The following THBS1 variants were observed in gnomAD, a reference collection of about 807,000 sequenced individuals.
THBS1 encodes thrombospondin 1, also known as thrombospondin-1.
Under a neutral mutation model 126.1 loss-of-function variants are expected in THBS1, and 29 were observed. That is an observed-to-expected ratio of 0.23 (90% confidence interval 0.17 to 0.31). The LOEUF is 0.31. THBS1 is among the 10% of genes least tolerant of loss of function. THBS1 has a pLI of 1.00. For synonymous variants in THBS1, 496 were observed against 577.8 expected, an observed-to-expected ratio of 0.86 and a Z score of 2.03; for missense variants, 1,198 against 1,545.2, an observed-to-expected ratio of 0.78 and a Z score of 3.77.
In THBS1 at chr15:39,589,002, T is replaced by G. The variant is rs776965595; in HGVS notation, c.1689T>G (p.Thr563=). Residue 563 remains threonine (T), a synonymous_variant, in exon 11 of 22, where the codon ACT becomes ACG. Coordinates refer to ENST00000260356, the MANE Select transcript of THBS1 (RefSeq NM_003246.4). The surrounding 1 kb of genome is among the most constrained non-coding windows in gnomAD (Gnocchi z 4.7). The part of the protein sequence containing the change: ...SNPCFAGVKC[T]SYPDGSWKCG... ...CCTGCTTTGCCGGCGTGAAGTGTAC[T>G]AGCTACCCTGATGGCAGCTGGAAAT... 3 of 1,614,174 alleles carry G rather than the reference T, an allele frequency of 1.9e-6. No individual in the cohort carries two copies. The highest frequency in any genetic ancestry group is 2.5e-6 in the Non-Finnish European group (3 of 1,180,028).
In THBS1 at chr15:39,593,901, C is replaced by T. The variant is rs562165862; in HGVS notation, c.3268-198C>T. 1.4e-3 allele frequency: 1,224 copies of T among 872,514 alleles called. 3 individuals carry two copies. Among genetic ancestry groups the T allele is most frequent in the Non-Finnish European group, 1.8e-3 (1,048 of 585,026 alleles). 54.0% of individuals were successfully genotyped at this position (872,514 alleles called of 1,614,324 possible). A position where few individuals can be genotyped will look rare whatever the true frequency, so the allele number is the denominator to read the frequency against. ...TCAGCCTTTTCAAACAAAAAAACCT[C>T]CTTCCCTCCTCTCTGTCTGCTTTAT... On this transcript the variant is annotated intron_variant, in intron 19 of 21. Coordinates refer to ENST00000260356, the MANE Select transcript of THBS1 (RefSeq NM_003246.4). This position sits in a 1 kb window ranked among gnomAD's most constrained non-coding sequence, Gnocchi z 5.9.
Position 39,582,433 on chromosome 15 carries a change from C to G in THBS1, c.308C>G (p.Thr103Arg). 3.7e-6 allele frequency: 6 copies of G among 1,614,056 alleles called. No homozygotes were observed. Among genetic ancestry groups the G allele is most frequent in the Non-Finnish European group, 5.1e-6 (6 of 1,179,992 alleles). Residue 103 changes from threonine (T) to arginine (R), a missense_variant, in exon 3 of 22, where the codon ACG becomes AGG. Around this residue, in one of 4 missense-constraint regions of THBS1, gnomAD observed 271 missense variants for 277.0 expected, o/e 0.98. Coordinates refer to ENST00000260356, the MANE Select transcript of THBS1 (RefSeq NM_003246.4). ...SLRQMKKTRG[T>R]LLALERKDHS... ...AGGCAGATGAAGAAGACCCGGGGCACGCTGCTGGCCCTGGAGCGGAAAGAC... is the reference window on the plus strand; with the variant it reads ...AGGCAGATGAAGAAGACCCGGGGCAGGCTGCTGGCCCTGGAGCGGAAAGAC...
Position 39,592,137 on chromosome 15 carries a change from T to G in THBS1, c.2533-431T>G, listed in dbSNP as rs1463593809. 6.6e-6 allele frequency among the ~76,000 whole-genome samples: 1 copy of G among 152,206 alleles called. No individual in the cohort carries two copies. The highest frequency in any genetic ancestry group is 1.5e-5 in the Non-Finnish European group (1 of 68,034). Reference sequence around the variant, plus strand: ...TACAACACAGGGACCAGTGGTCTGTTTCCATCTTTTCAGGACTTTTCAGAG... The same window carrying G: ...TACAACACAGGGACCAGTGGTCTGTGTCCATCTTTTCAGGACTTTTCAGAG... On this transcript the variant is annotated intron_variant, in intron 16 of 21. Transcript: ENST00000260356. The surrounding 1 kb of genome is among the most constrained non-coding windows in gnomAD (Gnocchi z 4.3).
chr15:39,591,229 C>T lies in THBS1; in HGVS notation c.2292C>T (p.Asp764=), dbSNP rs746355490. 1.7e-5 allele frequency: 28 copies of T among 1,614,048 alleles called. No individual in the cohort carries two copies. The highest frequency in any genetic ancestry group is 2.4e-5 in the Non-Finnish European group (28 of 1,180,032). Residue 764 remains aspartate (D), a synonymous_variant, in exon 15 of 22, where the codon GAC becomes GAT. Coordinates refer to ENST00000260356, the MANE Select transcript of THBS1 (RefSeq NM_003246.4). The part of the protein sequence containing the change: ...CPFHYNPAQY[D]YDRDDVGDRC... Reference sequence around the variant, plus strand: ...TCCATTACAACCCAGCTCAGTATGACTATGACAGAGATGATGTGGGAGACC... The same window carrying T: ...TCCATTACAACCCAGCTCAGTATGATTATGACAGAGATGATGTGGGAGACC...
In THBS1 at chr15:39,597,621, T is replaced by G. The variant is rs1890501659; in HGVS notation, c.*2252T>G. On this transcript the variant is annotated 3_prime_UTR_variant, in exon 22 of 22. Transcript: ENST00000260356. Reference sequence around the variant, plus strand: ...TTGTATGTGATTGAGAAAGACTGAGTTGCTCAGGCCTAGGCTTAGAATTTG... The same window carrying G: ...TTGTATGTGATTGAGAAAGACTGAGGTGCTCAGGCCTAGGCTTAGAATTTG... 1 of 151,996 alleles carries G rather than the reference T, an allele frequency of 6.6e-6. No individual in the cohort carries two copies. The highest frequency in any genetic ancestry group is 2.1e-4 in the South Asian group (1 of 4,818). 9.4% of individuals were successfully genotyped at this position (151,996 alleles called of 1,614,324 possible).
chr15:39,583,893 C>T (rs2140343710), intron 4 of THBS1, 95 bp from the exon 5 acceptor site: 1 of 1,469,988 alleles, frequency 6.8e-7, no homozygotes, highest in East Asian at 2.4e-5. Flanking sequence ...CTACCTGCAT[C>T]CTTCACACCA....
At position 39,588,511 on chromosome 15, in the gene THBS1, T is replaced by C. The variant is rs1331366186; in HGVS notation, c.1472-15T>C. Reference sequence around the variant, plus strand: ...AGTTGATCTTAATTGTTGCCTGTGGTTCATCTTCTTACAGTCAATGGAGGC... The same window carrying C: ...AGTTGATCTTAATTGTTGCCTGTGGCTCATCTTCTTACAGTCAATGGAGGC... On this transcript the variant is annotated splice_polypyrimidine_tract_variant and intron_variant, in intron 9 of 21. Transcript: ENST00000260356. The C allele has an allele frequency of 2.6e-6, 4 of 1,534,934 alleles. No homozygotes were observed. Among genetic ancestry groups the C allele is most frequent in the African/African-American group, 2.8e-5 (2 of 71,970 alleles).
rs777701350 is a variant in THBS1, at chr15:39,592,802, G to A, written c.2767G>A (p.Gly923Ser). The change falls in exon 17 of 22, where the codon GGC (glycine) becomes AGC (serine). Residue 923 changes from glycine (G) to serine (S), a missense_variant and splice_region_variant. Gly to Ser is a moderately conservative substitution (Grantham distance 56). Transcript: ENST00000260356. This position sits in a 1 kb window ranked among gnomAD's most constrained non-coding sequence, Gnocchi z 4.3. ...CAATCCCGACCAGAAGGACTCTGAC[G>A]GTGAGTCATGGGAGCCACTTTCTAA... The part of the protein sequence containing the change: ...VPNPDQKDSD[G>S]DGRGDACKDD... 36 of 1,611,078 alleles carry A rather than the reference G, an allele frequency of 2.2e-5. No homozygotes were observed. In the Middle Eastern group the frequency reaches 8.3e-4, roughly 37 times the overall value.
chr15:39,583,781 C>T (rs1890156595), intron 4 of THBS1, 89 bp downstream of exon 4: 1 of 1,403,824 alleles, frequency 7.1e-7, no homozygotes, highest in African/African-American at 1.4e-5. Flanking sequence ...AGTGGTTATA[C>T]ATAAATTACC....
intron 7 of THBS1, chr15:39,586,467 G>C (rs1261820965): frequency 1.3e-5 from 2 of 152,232 alleles, no homozygotes; most frequent in African/African-American, 4.8e-5. Flanking sequence ...TAAGTTCTTT[G>C]TCTTCTGTCT....
chr15:39,585,372 G>T, intron 6 of THBS1, 98 bp from the exon 7 acceptor site: 1 of 1,066,786 alleles, frequency 9.4e-7, no homozygotes. Flanking sequence ...TGACAGCCCT[G>T]ACCATGTTTT....
chr15:39,595,294 C>CTGATAA (rs2140352290), intron 21 of THBS1, 68 bp from the exon 22 acceptor site: 2 of 1,099,726 alleles, frequency 1.8e-6, no homozygotes, highest in Non-Finnish European at 2.5e-6. Context: ...AACTTATTAA[C>CTGATAA]TAAGATGTCT....
At chr15:39,591,068 C>G in intron 14 of THBS1, 123 bp from the exon 15 acceptor site, 1 of 1,089,616 alleles carries the variant, frequency 9.2e-7, no homozygotes, top group East Asian at 2.4e-5. Flanking sequence ...GATCAATTAG[C>G]CTATCCACTA....
At position 39,589,178 on chromosome 15, in the gene THBS1, T is replaced by C. The variant is rs58677957; in HGVS notation, c.1774-24T>C. 18 of 1,613,942 alleles carry C rather than the reference T, an allele frequency of 1.1e-5. No individual in the cohort carries two copies. Among genetic ancestry groups the C allele is most frequent in the Non-Finnish European group, 1.5e-5 (18 of 1,179,892 alleles). ...TTATGGCAGTGACTTCTAAACATGA[T>C]GCACGCTCTTATTTCCTCCATAGTG... On this transcript the variant is annotated intron_variant, in intron 11 of 21. Coordinates refer to ENST00000260356, the MANE Select transcript of THBS1 (RefSeq NM_003246.4). The surrounding 1 kb of genome is among the most constrained non-coding windows in gnomAD (Gnocchi z 4.7).
Position 39,581,829 on chromosome 15 carries a change from G to A in THBS1, c.-29G>A, listed in dbSNP as rs770478597. 3.7e-6 allele frequency: 6 copies of A among 1,608,102 alleles called. No individual in the cohort carries two copies. Among genetic ancestry groups the A allele is most frequent in the Middle Eastern group, 3.3e-4 (2 of 6,074 alleles). The stretch of plus-strand genomic sequence containing the variant: ...TCGGCTCTTGTGCTTCCTGCTACAG[G>A]ATCCCTGCTGGGCACCAACAGCTCC... On this transcript the variant is annotated splice_region_variant and 5_prime_UTR_variant, in exon 2 of 22. Coordinates refer to ENST00000260356, the MANE Select transcript of THBS1 (RefSeq NM_003246.4).
Position 39,598,562 on chromosome 15 carries a change from T to C in THBS1, c.*3193T>C, listed in dbSNP as rs1258203169. On this transcript the variant is annotated 3_prime_UTR_variant, in exon 22 of 22. Transcript: ENST00000260356. ...ATAGTGAAGCAAAACTGATTGAAAA[T>C]ACCAAGATAAGACAGAAAAAGTGAC... is the stretch of plus-strand genomic sequence containing the variant. The C allele has an allele frequency of 6.6e-6, 1 of 152,180 alleles. No homozygotes were observed. The highest frequency in any genetic ancestry group is 2.4e-5 in the African/African-American group (1 of 41,450). The allele number at this position is 152,180 out of a possible 1,614,324, so 9.4% of individuals were successfully genotyped here.
Position 39,593,425 on chromosome 15 carries a change from C to G in THBS1, c.3024C>G (p.Phe1008Leu). The G allele has an allele frequency of 6.2e-7, 1 of 1,614,176 alleles. No homozygotes were observed. Among genetic ancestry groups the G allele is most frequent in the East Asian group, 2.2e-5 (1 of 44,884 alleles). Residue 1008 changes from phenylalanine to leucine, a missense_variant, in exon 19 of 22, where the codon TTC becomes TTG. Around this residue, in one of 4 missense-constraint regions of THBS1, gnomAD observed 255 missense variants for 373.9 expected, o/e 0.68. Coordinates refer to ENST00000260356, the MANE Select transcript of THBS1 (RefSeq NM_003246.4). The surrounding 1 kb of genome is among the most constrained non-coding windows in gnomAD (Gnocchi z 5.9). ...VGYDEFNAVD[F>L]SGTFFINTER... ...ATGATGAGTTTAATGCTGTGGACTT[C>G]AGTGGCACCTTCTTCATCAACACCG...
chr15:39,583,576 C>CCACA, intron 3 of THBS1, 41 bp from the exon 4 acceptor site: 2 of 1,523,808 alleles, frequency 1.3e-6, no homozygotes, highest in Non-Finnish European at 1.8e-6. Context: ...ATCCCCACCC[C>CCACA]GCTCTGCATT....
rs879801079 is a variant in THBS1 at position 39,597,275 on chromosome 15, G to GTTTTTTTTTTTTTTTT, written c.*1910_*1911insTTTTTTTTTTTTTTTT. 2.7e-3 allele frequency: 142 copies of GTTTTTTTTTTTTTTTT among 52,556 alleles called. No homozygotes were observed. Among genetic ancestry groups the GTTTTTTTTTTTTTTTT allele is most frequent in the Middle Eastern group, 0.014 (1 of 70 alleles). The allele number at this position is 52,556 out of a possible 1,614,324, so 3.3% of individuals were successfully genotyped here. ...GAATTGTTGGTTTTTTCTTTTTTTTGTTTTGTTTTTTTTTTTTTTTTTTTT... is the reference window on the plus strand; with the variant it reads ...GAATTGTTGGTTTTTTCTTTTTTTTGTTTTTTTTTTTTTTTTTTTTGTTTTTTTTTTTTTTTTTTTT... On this transcript the variant is annotated 3_prime_UTR_variant, in exon 22 of 22. Transcript: ENST00000260356.
Sources: gnomAD v4.1 joint callset for allele counts (sites outside exome capture counted in the v4.1 genomes callset) on GRCh38, gnomAD v4.1.1 for gene constraint, gnomAD v4.1.1 regional missense constraint, Gnocchi (gnomAD v3.1) non-coding constraint, MANE v1.5 for transcripts, NCBI Gene and HGNC (gene_info 2026-07-23, HGNC 2026-07-21) for gene names.